The following MGST3 variants were observed in gnomAD, a reference collection of about 807,000 sequenced individuals.
MGST3 encodes microsomal glutathione S-transferase 3.
In MGST3, 13 loss-of-function variants were observed where a neutral mutation model predicts 15.8. The ratio of observed to expected loss-of-function variants is 0.82; its 90% CI spans 0.54 to 1.31. The LOEUF (loss-of-function observed/expected upper bound fraction) is 1.31, where lower values mean the gene tolerates loss of function less well. Among genes scored for constraint, MGST3 ranks in the 50% most tolerant of loss-of-function variants. The pLI is 0.00. For missense variants in MGST3, 155 were observed against 192.4 expected (o/e 0.81, Z 1.15); for synonymous variants, 49 against 68.1 (o/e 0.72, Z 1.38).
rs770942087 is a variant in MGST3 at position 165,651,096 on chromosome 1, C to T, written c.191+9C>T. 15 of 1,613,600 alleles carry T rather than the reference C, an allele frequency of 9.3e-6. No homozygotes were observed. The highest frequency in any genetic ancestry group is 5.5e-5 in the South Asian group (5 of 91,062). ...CGAGCCCACCAGAACACGTGAGTGT[C>T]GGCCCTGCCGGGCACCAAAGACATC... On this transcript the variant is annotated intron_variant, in intron 3 of 5. Transcript: ENST00000367889.
Position 165,651,051 on chromosome 1 carries a change from A to C in MGST3, c.155A>C (p.His52Pro). ...TACAGCACGGACCCTGAAAATGGGC[A>C]CATCTTCAACTGCATTCAGCGAGCC... ...IMYSTDPENG[H>P]IFNCIQRAHQ... The change falls in exon 3 of 6, where the codon CAC becomes CCC. Residue 52 changes from histidine (H) to proline (P), a missense_variant. Transcript: ENST00000367889. 6.2e-7 allele frequency: 1 copy of C among 1,614,212 alleles called. No individual in the cohort carries two copies. The highest frequency in any genetic ancestry group is 1.1e-5 in the South Asian group (1 of 91,086).
chr1:165,653,963 T>C (rs575289076), intron 4 of MGST3: 1 of 382,682 alleles, frequency 2.6e-6, no homozygotes, highest in African/African-American at 2.3e-5. Context: ...CTGGCCCACA[T>C]GTCCTTCTCT....
At chr1:165,643,889 A>T (rs553440409) in intron 1 of MGST3, among the ~76,000 whole-genome samples, 11 of 151,728 alleles carry the variant, frequency 7.2e-5, no homozygotes, top group Middle Eastern at 3.4e-3. Context: ...TAAAATAAAA[A>T]AATTTTAAAA....
intron 4 of MGST3, among the ~76,000 whole-genome samples, chr1:165,653,110 T>G (rs771420696): frequency 4.6e-5 from 7 of 152,188 alleles, no homozygotes; most frequent in Non-Finnish European, 1.0e-4. Flanking sequence ...AAGGCCTGCA[T>G]TTTTTTCAAA....
chr1:165,632,276 T>A, intron 1 of MGST3: 1 of 1,612,488 alleles, frequency 6.2e-7, no homozygotes, highest in Non-Finnish European at 8.5e-7. Context: ...GCTCTGCAGG[T>A]ATGTGCTGTT....
chr1:165,654,178 T>C (rs1352051597), intron 4 of MGST3, 101 bp from the exon 5 acceptor site: 1 of 1,150,468 alleles, frequency 8.7e-7, no homozygotes, highest in African/African-American at 1.5e-5. Flanking sequence ...AATCATCAAA[T>C]TGTTAACTTT....
chr1:165,651,065 A>G lies in MGST3; in HGVS notation c.169A>G (p.Ile57Val). Residue 57 changes from isoleucine to valine, a missense_variant, in exon 3 of 6, where the codon ATT becomes GTT. Ile to Val is a conservative substitution (Grantham distance 29, BLOSUM62 3). Coordinates refer to ENST00000367889, the MANE Select transcript of MGST3 (RefSeq NM_004528.4). ...TGAAAATGGGCACATCTTCAACTGC[A>G]TTCAGCGAGCCCACCAGAACACGTG... ...DPENGHIFNC[I>V]QRAHQNTLEV... The G allele has an allele frequency of 3.7e-6, 6 of 1,614,232 alleles. No homozygotes were observed. The highest frequency in any genetic ancestry group is 1.6e-4 in the Middle Eastern group (1 of 6,062).
intron 1 of MGST3, among the ~76,000 whole-genome samples, chr1:165,634,622 T>C (rs968138179): frequency 6.6e-5 from 10 of 152,178 alleles, no homozygotes; most frequent in African/African-American, 2.4e-4. Flanking sequence ...CTCTCACATA[T>C]CACTTTATGC....
chr1:165,642,134 T>C (rs1648278508), intron 1 of MGST3, among the ~76,000 whole-genome samples: 1 of 152,218 alleles, frequency 6.6e-6, no homozygotes, highest in Non-Finnish European at 1.5e-5. Context: ...AAATCTGGAA[T>C]TGGGTACTTG....
At chr1:165,650,847 G>A in intron 2 of MGST3, 167 bp from the exon 3 acceptor site, 1 of 664,630 alleles carries the variant, frequency 1.5e-6, no homozygotes. Context: ...CTGCTTCTGA[G>A]AATTGAGACC....
At chr1:165,653,451 C>G (rs1197084851) in intron 4 of MGST3, among the ~76,000 whole-genome samples, 1 of 152,184 alleles carries the variant, frequency 6.6e-6, no homozygotes, top group South Asian at 2.1e-4. Flanking sequence ...GTGTTATTTT[C>G]ATTTGTTTCA....
intron 1 of MGST3, chr1:165,645,933 A>G (rs1648385312): frequency 6.6e-6 from 1 of 152,236 alleles, no homozygotes; most frequent in Non-Finnish European, 1.5e-5. Flanking sequence ...CACCTGTATT[A>G]AAGTTCAGCT....
chr1:165,633,091 C>G (rs1182488952), intron 1 of MGST3, among the ~76,000 whole-genome samples: 1 of 152,228 alleles, frequency 6.6e-6, no homozygotes, highest in Non-Finnish European at 1.5e-5. Context: ...GAAGAATATA[C>G]TGCTACGGTT....
intron 1 of MGST3, among the ~76,000 whole-genome samples, chr1:165,632,769 A>G (rs1013938678): frequency 6.6e-6 from 1 of 152,182 alleles, no homozygotes; most frequent in Non-Finnish European, 1.5e-5. Flanking sequence ...CTGTTGGCTT[A>G]GAGTTCTGAA....
chr1:165,631,980 G>T (rs2101711152), intron 1 of MGST3: 1 of 426,434 alleles, frequency 2.3e-6, no homozygotes, highest in East Asian at 3.4e-5. Context: ...TTCTTTATGT[G>T]GGGTGGCAGC....
chr1:165,646,703 C>T (rs1648413040), intron 1 of MGST3: 1 of 152,238 alleles, frequency 6.6e-6, no homozygotes, highest in Non-Finnish European at 1.5e-5. Flanking sequence ...CTGAAAGACA[C>T]CTGCAGTTGC....
chr1:165,643,800 A>G (rs991784914), intron 1 of MGST3, among the ~76,000 whole-genome samples: 4 of 152,102 alleles, frequency 2.6e-5, no homozygotes, highest in African/African-American at 9.7e-5. Context: ...TCTGGGAGGC[A>G]GAGGTTGCAG....
chr1:165,638,232 A>C (rs577868625), intron 1 of MGST3, among the ~76,000 whole-genome samples: 118 of 152,340 alleles, frequency 7.7e-4, no homozygotes, highest in African/African-American at 2.7e-3. Flanking sequence ...TTATCCCAGC[A>C]CTTTGGGAGG....
In MGST3 at chr1:165,640,572, C is replaced by T. The variant is rs529865198; in HGVS notation, c.-7-9269C>T. Among the ~76,000 whole-genome samples, 7 of 152,216 alleles carry T rather than the reference C, an allele frequency of 4.6e-5. No homozygotes were observed. In the South Asian group the frequency reaches 1.5e-3, roughly 32 times the overall value. On this transcript the variant is annotated intron_variant, in intron 1 of 5. Coordinates refer to ENST00000367889, the MANE Select transcript of MGST3 (RefSeq NM_004528.4). ...TAGGAACTAGTTAGATATGATAATA[C>T]TCAGGCCCCACCTAACATGACTGAA... is the stretch of plus-strand genomic sequence containing the variant.
Sources: allele counts gnomAD v4.1 joint callset (sites outside exome capture counted in the v4.1 genomes callset), GRCh38; gene constraint gnomAD v4.1.1; transcripts MANE v1.5; gene names NCBI Gene and HGNC (gene_info 2026-07-23, HGNC 2026-07-21).